BRINP3: variants seen among roughly 807,000 people sequenced by gnomAD.
The protein encoded by BRINP3 is BMP/retinoic acid inducible neural specific 3.
Under a neutral mutation model 71.0 loss-of-function variants are expected in BRINP3, and 19 were observed. The observed-to-expected ratio is 0.27, with a 90% confidence interval of 0.19 to 0.39. The LOEUF (loss-of-function observed/expected upper bound fraction) is 0.39. Ranked by LOEUF, BRINP3 falls within the 10% of genes least tolerant of loss-of-function variation. The pLI is 1.00. For missense variants in BRINP3, 959 were observed against 940.8 expected, an observed-to-expected ratio of 1.02 and a Z score of -0.25; for synonymous variants, 380 against 337.7, an observed-to-expected ratio of 1.13 and a Z score of -1.37.
chr1:190,138,984 A>C (rs1344270906), intron 7 of BRINP3, among the ~76,000 whole-genome samples: 1 of 152,142 alleles, frequency 6.6e-6, no homozygotes, highest in Admixed American at 6.5e-5. Flanking sequence ...GAATCAACCC[A>C]AGAAAGGAGA....
intron 1 of BRINP3, among the ~76,000 whole-genome samples, chr1:190,455,468 T>C (rs1057487363): frequency 1.3e-5 from 2 of 152,106 alleles, no homozygotes; most frequent in African/African-American, 4.8e-5. Context: ...TGTGTGTATA[T>C]GTGTGTATAC....
At chr1:190,337,927 G>A (rs1432152145) in intron 2 of BRINP3, among the ~76,000 whole-genome samples, 1 of 151,918 alleles carries the variant, frequency 6.6e-6, no homozygotes, top group East Asian at 1.9e-4. Flanking sequence ...TCTACCTCTT[G>A]TCATACTTTT....
intron 7 of BRINP3, among the ~76,000 whole-genome samples, chr1:190,141,140 T>G (rs1655398854): frequency 6.6e-6 from 1 of 152,134 alleles, no homozygotes; most frequent in Admixed American, 6.5e-5. Context: ...GTTTTCTAAT[T>G]TGAATGTTAT....
intron 7 of BRINP3, among the ~76,000 whole-genome samples, chr1:190,108,184 G>A (rs775017422): frequency 4.6e-5 from 7 of 151,932 alleles, no homozygotes; most frequent in Non-Finnish European, 1.0e-4. Context: ...AGTCACACTC[G>A]CAATGCAAGA....
rs1249832927 is a variant in BRINP3, at chr1:190,281,606, A to G, written c.381T>C (p.Leu127=). Residue 127 remains leucine (L), a synonymous_variant, in exon 3 of 8, where the codon CTT becomes CTC. Transcript: ENST00000367462. The part of the protein sequence containing the change: ...RPTLQQITEN[L]IKKYGTHFLL... ...AGAAATGTGTCCCATATTTCTTGAT[A>G]AGGTTTTCTGTGATTTGCTGAAGGG... 3 of 1,612,786 alleles carry G rather than the reference A, an allele frequency of 1.9e-6. No homozygotes were observed. In the South Asian group the frequency reaches 3.3e-5, roughly 18 times the overall value.
intron 2 of BRINP3, among the ~76,000 whole-genome samples, chr1:190,364,376 G>C (rs776950087): frequency 6.6e-6 from 1 of 151,960 alleles, no homozygotes; most frequent in Non-Finnish European, 1.5e-5. Context: ...TTTTACTTCA[G>C]ATAATATAAA....
chr1:190,233,051 C>T (rs1313587132), intron 5 of BRINP3, among the ~76,000 whole-genome samples: 5 of 151,780 alleles, frequency 3.3e-5, no homozygotes, highest in Non-Finnish European at 7.4e-5. Context: ...AAATAAAAGG[C>T]ATTCATTCAC....
chr1:190,301,837 T>C (rs1448053310), intron 2 of BRINP3, among the ~76,000 whole-genome samples: 4 of 152,002 alleles, frequency 2.6e-5, no homozygotes, highest in African/African-American at 4.8e-5. Flanking sequence ...AAATTTATCA[T>C]TTAATCATAA....
At chr1:190,352,114 T>A (rs532990761) in intron 2 of BRINP3, among the ~76,000 whole-genome samples, 1 of 151,976 alleles carries the variant, frequency 6.6e-6, no homozygotes, top group Admixed American at 6.6e-5. Context: ...ATCAGACTAG[T>A]AATTTAAAAA....
rs1412947426 is a variant in BRINP3 at position 190,218,862 on chromosome 1, C to A, written c.961+7220G>T. 4.6e-5 allele frequency among the ~76,000 whole-genome samples: 7 copies of A among 152,042 alleles called. No homozygotes were observed. The South Asian group carries it at 8.3e-4, about 18-fold the overall frequency. On this transcript the variant is annotated intron_variant, in intron 6 of 7. Coordinates refer to ENST00000367462, the MANE Select transcript of BRINP3 (RefSeq NM_199051.3). ...TACTAACTCTTCCTAAATCTATTTA[C>A]CCTTTCATTGTGTAATTTGTGTTAT...
chr1:190,267,279 A>G (rs1197642411), intron 3 of BRINP3, among the ~76,000 whole-genome samples: 2 of 152,112 alleles, frequency 1.3e-5, no homozygotes, highest in Non-Finnish European at 2.9e-5. Context: ...AATTCCATAA[A>G]TTTGTAAGAA....
chr1:190,460,280 G>A (rs1208003292), intron 1 of BRINP3, among the ~76,000 whole-genome samples: 1 of 150,000 alleles, frequency 6.7e-6, no homozygotes, highest in African/African-American at 2.4e-5. Flanking sequence ...TTTATATGTA[G>A]TACCCCAGAA....
At chr1:190,292,287 A>C (rs995505676) in intron 2 of BRINP3, among the ~76,000 whole-genome samples, 1 of 152,130 alleles carries the variant, frequency 6.6e-6, no homozygotes, top group Non-Finnish European at 1.5e-5. Flanking sequence ...AGTGATCAGC[A>C]AACCTAAAAT....
chr1:190,162,794 G>A (rs2102465956), intron 6 of BRINP3, among the ~76,000 whole-genome samples: 1 of 152,212 alleles, frequency 6.6e-6, no homozygotes, highest in East Asian at 1.9e-4. Context: ...ATGTATGGCA[G>A]CTGAAAATTG....
At chr1:190,359,581 C>G (rs986332874) in intron 2 of BRINP3, among the ~76,000 whole-genome samples, 7 of 152,014 alleles carry the variant, frequency 4.6e-5, no homozygotes, top group African/African-American at 1.7e-4. Flanking sequence ...GGCAACATGG[C>G]AAGACCTGTC....
intron 2 of BRINP3, among the ~76,000 whole-genome samples, chr1:190,373,751 G>A (rs1310498254): frequency 1.3e-5 from 2 of 151,866 alleles, no homozygotes; most frequent in East Asian, 4.0e-4. Flanking sequence ...TACAGGGGGT[G>A]AGACAGGTGG....
At chr1:190,289,686 G>A (rs1663708741) in intron 2 of BRINP3, among the ~76,000 whole-genome samples, 2 of 151,838 alleles carry the variant, frequency 1.3e-5, no homozygotes, top group East Asian at 1.9e-4. Context: ...GCAAGCACTT[G>A]GTCTTACCAT....
intron 6 of BRINP3, among the ~76,000 whole-genome samples, chr1:190,225,706 A>T (rs140169187): frequency 7.1e-4 from 108 of 152,142 alleles, no homozygotes; most frequent in African/African-American, 2.5e-3. Context: ...AATCATGTTG[A>T]AAAAGGTATA....
At chr1:190,455,088 A>AT (rs1260641329) in intron 1 of BRINP3, 148 bp from the exon 2 acceptor site, 5 of 493,332 alleles carry the variant, frequency 1.0e-5, no homozygotes, top group Middle Eastern at 5.3e-4. Flanking sequence ...AACCAAAATT[A>AT]TTTTTTTAGA....
Sources: gnomAD v4.1 joint callset for allele counts (sites outside exome capture counted in the v4.1 genomes callset) on GRCh38, gnomAD v4.1.1 for gene constraint, MANE v1.5 for transcripts, NCBI Gene and HGNC (gene_info 2026-07-23, HGNC 2026-07-21) for gene names.